The following HELB variants were observed in gnomAD, a reference collection of about 807,000 sequenced individuals.
HELB encodes DNA 5'-3' helicase B.
In HELB, 96 loss-of-function variants were observed where a neutral mutation model predicts 101.7. That is an observed-to-expected ratio of 0.94 (90% CI 0.80 to 1.12). The LOEUF (loss-of-function observed/expected upper bound fraction) is 1.12. HELB is among the 50% of genes most tolerant of loss of function. The probability of loss-of-function intolerance (pLI) is 0.00; values close to 1 mark genes in which losing one functional copy is unlikely to be tolerated. For synonymous variants in HELB, 437 were observed against 459.7 expected, an observed-to-expected ratio of 0.95 and a Z score of 0.63; for missense variants, 1,210 against 1,291.9, an observed-to-expected ratio of 0.94 and a Z score of 0.97.
At chr12:66,314,882 G>C (rs574197384) in intron 5 of HELB, among the ~76,000 whole-genome samples, 208 of 151,984 alleles carry the variant, frequency 1.4e-3, no homozygotes, top group Non-Finnish European at 2.3e-3. Flanking sequence ...TTATTTATTT[G>C]TTTTATATTT....
chr12:66,324,192 A>G lies in HELB; in HGVS notation c.2507A>G (p.Glu836Gly). The change falls in exon 10 of 13, where the codon GAG (glutamate) becomes GGG (glycine). Residue 836 changes from glutamate to glycine, a missense_variant. This residue lies in a region of HELB where 740 missense variants were observed against 728.8 expected (regional missense o/e 1.02). Transcript: ENST00000247815. ...FESNVRLCNG[E>G]IFFITNDVTD... Reference sequence around the variant, plus strand: ...AGTAACGTTCGACTGTGCAATGGAGAGATATTTTTCATAACAAATGTAAGT... The same window carrying G: ...AGTAACGTTCGACTGTGCAATGGAGGGATATTTTTCATAACAAATGTAAGT... 6.2e-7 allele frequency: 1 copy of G among 1,609,238 alleles called. No individual in the cohort carries two copies. The highest frequency in any genetic ancestry group is 1.1e-5 in the South Asian group (1 of 90,872).
chr12:66,309,892 T>G lies in HELB; in HGVS notation c.964T>G (p.Leu322Val), dbSNP rs952568110. 1 of 1,614,148 alleles carries G rather than the reference T, an allele frequency of 6.2e-7. No individual in the cohort carries two copies. The highest frequency in any genetic ancestry group is 8.5e-7 in the Non-Finnish European group (1 of 1,179,978). Residue 322 changes from leucine to valine, a missense_variant, in exon 4 of 13, where the codon TTG becomes GTG. Leu to Val is a conservative substitution (Grantham distance 32). This residue lies in a region of HELB where 470 missense variants were observed against 563.1 expected (regional missense o/e 0.83). Coordinates refer to ENST00000247815, the MANE Select transcript of HELB (RefSeq NM_001370285.1). ...TGAAGTGAATGACTTAACTTTGACA[T>G]TGTCAAATCATATGTCATTTCATGC... is the stretch of plus-strand genomic sequence containing the variant. ...YVEVNDLTLT[L>V]SNHMSFHAAS... is the part of the protein sequence containing the mutation.
Position 66,305,002 on chromosome 12 carries a change from C to A in HELB, c.459C>A (p.Asn153Lys). The change falls in exon 2 of 13, where the codon AAC (asparagine) becomes AAA (lysine). Residue 153 changes from asparagine to lysine, a missense_variant. Asn to Lys is a moderately conservative substitution (Grantham distance 94). Coordinates refer to ENST00000247815, the MANE Select transcript of HELB (RefSeq NM_001370285.1). ...KFLTWVKEVS[N>K]YKNLNFENLR... ...TAACATGGGTAAAGGAGGTATCAAA[C>A]TACAAAAACCTAAACTTTGAAAATC... 1 of 1,613,740 alleles carries A rather than the reference C, an allele frequency of 6.2e-7. No individual in the cohort carries two copies. The highest frequency in any genetic ancestry group is 8.5e-7 in the Non-Finnish European group (1 of 1,179,934).
At chr12:66,329,471 G>A (rs2053780282) in intron 11 of HELB, among the ~76,000 whole-genome samples, 1 of 152,160 alleles carries the variant, frequency 6.6e-6, no homozygotes, top group African/African-American at 2.4e-5. Flanking sequence ...ACAGGACCTG[G>A]AAGTCCCTTG....
intron 6 of HELB, among the ~76,000 whole-genome samples, chr12:66,315,828 A>T (rs1011253372): frequency 3.3e-5 from 5 of 152,200 alleles, no homozygotes; most frequent in South Asian, 2.1e-4. Flanking sequence ...ATGGCATCTT[A>T]CTTCCCTTAA....
At chr12:66,323,213 C>T (rs2053693919) in intron 9 of HELB, among the ~76,000 whole-genome samples, 1 of 152,032 alleles carries the variant, frequency 6.6e-6, no homozygotes, top group Non-Finnish European at 1.5e-5. Flanking sequence ...AAAATTAATT[C>T]ATTTCTCTTG....
In HELB at chr12:66,309,688, G is replaced by T; in HGVS notation, c.778-18G>T. ...ACTTATGATGTTTATAAACCAACCTGAACTTTATTTCTTAAAGATAACCTA... is the reference window on the plus strand; with the variant it reads ...ACTTATGATGTTTATAAACCAACCTTAACTTTATTTCTTAAAGATAACCTA... On this transcript the variant is annotated intron_variant, in intron 3 of 12. Transcript: ENST00000247815. The T allele has an allele frequency of 6.5e-7, 1 of 1,538,494 alleles. No homozygotes were observed.
intron 7 of HELB, among the ~76,000 whole-genome samples, chr12:66,319,970 AATAG>A (rs1255970461): frequency 6.6e-6 from 1 of 151,310 alleles, no homozygotes; most frequent in Non-Finnish European, 1.5e-5. Context: ...GATACAATAC[AATAG>A]ATAAAGCAGA....
Position 66,331,369 on chromosome 12 carries a change from A to G in HELB, c.2886A>G (p.Pro962=). The change falls in exon 12 of 13, where the codon CCA becomes CCG. Residue 962 remains proline (P), a synonymous_variant. Coordinates refer to ENST00000247815, the MANE Select transcript of HELB (RefSeq NM_001370285.1). The part of the protein sequence containing the change: ...QSKLSSSGAP[P]ADFPSPRKSS... ...AGCTCTCCTCTAGCGGCGCACCTCC[A>G]GCAGATTTTCCGTCCCCACGGAAGA... is the stretch of plus-strand genomic sequence containing the variant. 4 of 1,614,234 alleles carry G rather than the reference A, an allele frequency of 2.5e-6. No homozygotes were observed. Among genetic ancestry groups the G allele is most frequent in the Non-Finnish European group, 3.4e-6 (4 of 1,180,046 alleles).
chr12:66,329,293 T>G (rs572502326), intron 11 of HELB, among the ~76,000 whole-genome samples: 1 of 152,296 alleles, frequency 6.6e-6, no homozygotes, highest in Admixed American at 6.5e-5. Context: ...TAATCATCAT[T>G]CACTCAGTGA....
chr12:66,321,203 T>A (rs1328406861), intron 7 of HELB, among the ~76,000 whole-genome samples: 2 of 152,174 alleles, frequency 1.3e-5, no homozygotes, highest in African/African-American at 2.4e-5. Flanking sequence ...TGTACTTCCA[T>A]GAGCCTTAGT....
chr12:66,312,526 CT>C (rs568070988), intron 4 of HELB, among the ~76,000 whole-genome samples: 1 of 151,958 alleles, frequency 6.6e-6, no homozygotes, highest in Admixed American at 6.6e-5. Context: ...AGTTTATGAT[CT>C]TTTTTTTGTA....
chr12:66,340,587 C>G, downstream of HELB: 1 of 122,382 alleles, frequency 8.2e-6, no homozygotes, highest in Non-Finnish European at 1.5e-5. Flanking sequence ...TAGAGGGATA[C>G]AACTAATAGG....
At chr12:66,309,668 T>G (rs772979525) in intron 3 of HELB, 38 bp from the exon 4 acceptor site, 7 of 1,341,638 alleles carry the variant, frequency 5.2e-6, no homozygotes, top group Admixed American at 2.2e-5. Flanking sequence ...TAAACACTTA[T>G]GATGTTTATA....
At chr12:66,309,035 A>G (rs544407342) in intron 3 of HELB, among the ~76,000 whole-genome samples, 74 of 152,234 alleles carry the variant, frequency 4.9e-4, no homozygotes, top group Non-Finnish European at 9.4e-4. Context: ...ATAGACACAT[A>G]GAAAACTAAA....
In HELB at chr12:66,305,108, T is replaced by C. The variant is rs1188150440; in HGVS notation, c.565T>C (p.Leu189=). ...GCCTACACAGAATGGTCAGGAAGAG[T>C]TGTTCCTAGACAATGAGATGAGTCT... The part of the protein sequence containing the change: ...KQPTQNGQEE[L]FLDNEMSLPL... The change falls in exon 2 of 13, where the codon TTG becomes CTG. Residue 189 remains leucine, a synonymous_variant. Coordinates refer to ENST00000247815, the MANE Select transcript of HELB (RefSeq NM_001370285.1). The C allele has an allele frequency of 1.9e-6, 3 of 1,588,780 alleles. No homozygotes were observed. The highest frequency in any genetic ancestry group is 2.6e-6 in the Non-Finnish European group (3 of 1,172,286).
Position 66,321,631 on chromosome 12 carries a change from T to C in HELB, c.2156-317T>C, listed in dbSNP as rs76353776. 4.0e-3 allele frequency: 1,107 copies of C among 276,086 alleles called. 20 individuals are homozygous for C. The highest frequency in any genetic ancestry group is 0.024 in the African/African-American group (1,056 of 43,536). The allele number at this position is 276,086 out of a possible 1,614,324, so 17.1% of individuals were successfully genotyped here. A position where few individuals can be genotyped will look rare whatever the true frequency, so the allele number is the denominator to read the frequency against. On this transcript the variant is annotated intron_variant, in intron 7 of 12. Transcript: ENST00000247815. ...TCATGCTGTTACACACTTTGTACTCTTGTTTATTTCTTAAATTCAGTGTTC... is the reference window on the plus strand; with the variant it reads ...TCATGCTGTTACACACTTTGTACTCCTGTTTATTTCTTAAATTCAGTGTTC...
chr12:66,303,693 A>G (rs1446470686), intron 1 of HELB, among the ~76,000 whole-genome samples: 2 of 152,218 alleles, frequency 1.3e-5, no homozygotes, highest in East Asian at 1.9e-4. Context: ...ACCTCAGTGC[A>G]CAGATGATTG....
chr12:66,307,221 A>G (rs11176137), intron 3 of HELB, among the ~76,000 whole-genome samples: 94,978 of 152,016 alleles, frequency 0.62, 31,006 homozygotes, highest in Middle Eastern at 0.82. Flanking sequence ...TACTGGAATA[A>G]GGAATTTTTC....
Sources: gnomAD v4.1 joint callset for allele counts (sites outside exome capture counted in the v4.1 genomes callset) on GRCh38, gnomAD v4.1.1 for gene constraint, gnomAD v4.1.1 regional missense constraint, MANE v1.5 for transcripts, NCBI Gene and HGNC (gene_info 2026-07-23, HGNC 2026-07-21) for gene names.